Variants in MTSS2 observed in about 807,000 individuals in gnomAD.
MTSS2 encodes the protein protein MTSS 2.
MTSS2 carries 27 observed loss-of-function variants against 67.1 expected under a neutral mutation model. That is an observed-to-expected ratio of 0.40 (90% CI 0.30 to 0.55). MTSS2 has a LOEUF of 0.55. Ranked by LOEUF, MTSS2 falls within the 20% of genes least tolerant of loss-of-function variation. The pLI is 0.43. For synonymous variants in MTSS2, 624 were observed against 468.6 expected (o/e 1.33, Z -4.28); for missense variants, 1,171 against 1,067.8 (o/e 1.10, Z -1.35).
chr16:70,661,359 G>T lies in MTSS2; in HGVS notation c.*2318C>A. On this transcript the variant is annotated 3_prime_UTR_variant, in exon 15 of 15. Transcript: ENST00000338779. ...TCTGACGGAAAGAAAAGAAACAAAT[G>T]GTTCAGATGGGACGGAGGGTGGGGG... 1 of 436,338 alleles carries T rather than the reference G, an allele frequency of 2.3e-6. No individual in the cohort carries two copies. Among genetic ancestry groups the T allele is most frequent in the Non-Finnish European group, 4.5e-6 (1 of 221,276 alleles). The allele number at this position is 436,338 out of a possible 1,614,324, so 27.0% of individuals were successfully genotyped here. A position where few individuals can be genotyped will look rare whatever the true frequency, so the allele number is the denominator to read the frequency against.
chr16:70,664,192 C>G lies in MTSS2; in HGVS notation c.1729G>C (p.Ala577Pro), dbSNP rs145921767. ...GGGATGGGGCCAGCGCTGGACAGGGCGCGGCGCACGGTGGGCTTGGTGGAG... is the reference window on the plus strand; with the variant it reads ...GGGATGGGGCCAGCGCTGGACAGGGGGCGGCGCACGGTGGGCTTGGTGGAG... ...TPSTKPTVRR[A>P]LSSAGPIPIR... is the part of the protein sequence containing the mutation. The change falls in exon 15 of 15, where the codon GCC becomes CCC. Residue 577 changes from alanine to proline, a missense_variant. Physicochemically the swap from Ala to Pro is conservative, Grantham distance 27. Coordinates refer to ENST00000338779, the MANE Select transcript of MTSS2 (RefSeq NM_138383.3). The G allele has an allele frequency of 6.3e-7, 1 of 1,597,404 alleles. No individual in the cohort carries two copies. Among genetic ancestry groups the G allele is most frequent in the Non-Finnish European group, 8.5e-7 (1 of 1,176,062 alleles).
At chr16:70,685,681 G>A in intron 1 of MTSS2, 42 bp downstream of exon 1, 5 of 1,212,614 alleles carry the variant, frequency 4.1e-6, no homozygotes, top group Admixed American at 3.1e-5. Flanking sequence ...GGGGGGTCCC[G>A]CACCCGTCGC....
At position 70,664,907 on chromosome 16, in the gene MTSS2, C is replaced by A; in HGVS notation, c.1305+13G>T. 2 of 1,534,568 alleles carry A rather than the reference C, an allele frequency of 1.3e-6. No individual in the cohort carries two copies. The highest frequency in any genetic ancestry group is 2.4e-5 in the East Asian group (1 of 41,464). On this transcript the variant is annotated intron_variant, in intron 13 of 14. Coordinates refer to ENST00000338779, the MANE Select transcript of MTSS2 (RefSeq NM_138383.3). Reference sequence around the variant, plus strand: ...ACTGACCTGGGCGTGAAGGGGGGCCCTGGCCAGCCTACCTTGGCTGCGATG... The same window carrying A: ...ACTGACCTGGGCGTGAAGGGGGGCCATGGCCAGCCTACCTTGGCTGCGATG...
chr16:70,674,052 G>C (rs898206553), intron 11 of MTSS2, among the ~76,000 whole-genome samples: 3 of 152,064 alleles, frequency 2.0e-5, no homozygotes, highest in African/African-American at 7.2e-5. Flanking sequence ...TGTCAGATTG[G>C]ATAAAAAAAG....
chr16:70,678,404 C>A lies in MTSS2; in HGVS notation c.472G>T (p.Gly158Ter). 1 of 1,609,962 alleles carries A rather than the reference C, an allele frequency of 6.2e-7. No homozygotes were observed. The highest frequency in any genetic ancestry group is 1.1e-5 in the South Asian group (1 of 90,736). ...CTGTCCAGCTGGGGCTGCAGGTCTC[C>A]TTTCCCTGGAGGGGTGGGGAGGAGA... ...KKARKELLGK[G>*]DLQPQLDSAL... The change falls in exon 8 of 15, where the codon GGA becomes TGA. Residue 158 changes from glycine (G) to a stop codon, truncating the protein, a stop_gained. Transcript: ENST00000338779. LOFTEE classifies it high-confidence loss of function.
chr16:70,677,968 G>A (rs2053175237), intron 8 of MTSS2, 69 bp from the exon 9 acceptor site: 1 of 1,312,958 alleles, frequency 7.6e-7, no homozygotes, highest in Non-Finnish European at 1.1e-6. Context: ...CGCCCCTGGA[G>A]AAGCAGCAGC....
intron 11 of MTSS2, among the ~76,000 whole-genome samples, chr16:70,670,279 AACAAAACGAC>A (rs1311662147): frequency 6.6e-6 from 1 of 152,172 alleles, no homozygotes; most frequent in Non-Finnish European, 1.5e-5. Context: ...TCAAAAACAA[AACAAAACGAC>A]ACAAAACAAA....
Position 70,664,394 on chromosome 16 carries a change from G to A in MTSS2, c.1527C>T (p.Pro509=), listed in dbSNP as rs769916218. Residue 509 remains proline, a synonymous_variant, in exon 15 of 15, where the codon CCC becomes CCT. Coordinates refer to ENST00000338779, the MANE Select transcript of MTSS2 (RefSeq NM_138383.3). ...GGATGGTGGATGACTTGTCAAACTC[G>A]GGCGGGCCCTCGCTGTCCGCATCCC... is the stretch of plus-strand genomic sequence containing the variant. ...VNGDADSEGP[P]EFDKSSTIPR... 151 of 1,564,594 alleles carry A rather than the reference G, an allele frequency of 9.7e-5. No individual in the cohort carries two copies. The highest frequency in any genetic ancestry group is 1.2e-4 in the Non-Finnish European group (143 of 1,160,332).
chr16:70,664,551 G>T, intron 14 of MTSS2, 47 bp downstream of exon 14: 1 of 1,598,060 alleles, frequency 6.3e-7, no homozygotes, highest in Non-Finnish European at 8.5e-7. Flanking sequence ...CTCCTGGATG[G>T]CTAAGTCCCA....
rs756783396 is a variant in MTSS2, at chr16:70,664,291, T to G, written c.1630A>C (p.Thr544Pro). 2.6e-6 allele frequency: 4 copies of G among 1,565,218 alleles called. No individual in the cohort carries two copies. The South Asian group carries it at 4.8e-5, about 19-fold the overall frequency. Residue 544 changes from threonine to proline, a missense_variant, in exon 15 of 15, where the codon ACC becomes CCC. Around this residue, in one of 2 missense-constraint regions of MTSS2, gnomAD observed 924 missense variants for 756.0 expected, o/e 1.22. Coordinates refer to ENST00000338779, the MANE Select transcript of MTSS2 (RefSeq NM_138383.3). ...KRPASTAGLP[T>P]AGLPTATGLP... is the part of the protein sequence containing the mutation. The stretch of plus-strand genomic sequence containing the variant: ...CCAGTGGCCGTGGGCAGCCCCGCGG[T>G]GGGCAGCCCAGCAGTGGAGGCTGGG...
chr16:70,661,929 A>AAAT lies in MTSS2; in HGVS notation c.*1745_*1747dup, dbSNP rs2052491653. The AAAT allele has an allele frequency of 6.5e-6, 1 of 153,472 alleles. No individual in the cohort carries two copies. Among genetic ancestry groups the AAAT allele is most frequent in the African/African-American group, 2.4e-5 (1 of 41,416 alleles). The allele number at this position is 153,472 out of a possible 1,614,324, so 9.5% of individuals were successfully genotyped here. A position where few individuals can be genotyped will look rare whatever the true frequency, so the allele number is the denominator to read the frequency against. On this transcript the variant is annotated 3_prime_UTR_variant, in exon 15 of 15. Transcript: ENST00000338779. ...GCGGAAATTCTACCCAAGACTCCCC[A>AAAT]AATAATTGGTCACCTGCTCTCCTGG...
intron 9 of MTSS2, 63 bp downstream of exon 9, chr16:70,677,729 A>C: frequency 1.5e-6 from 2 of 1,335,274 alleles, no homozygotes; most frequent in Non-Finnish European, 1.0e-6. Context: ...ACTGTTCCCA[A>C]CCTAGGGCAG....
At chr16:70,672,947 G>T (rs781202558) in intron 11 of MTSS2, among the ~76,000 whole-genome samples, 4 of 152,262 alleles carry the variant, frequency 2.6e-5, no homozygotes, top group African/African-American at 9.6e-5. Flanking sequence ...GATCCCTTGA[G>T]CCCAGGAGTT....
At chr16:70,679,253 G>C in intron 7 of MTSS2, 62 bp downstream of exon 7, 5 of 1,599,144 alleles carry the variant, frequency 3.1e-6, no homozygotes, top group Non-Finnish European at 3.4e-6. Context: ...CCTGAGCTGG[G>C]GGAGACAGAC....
chr16:70,672,990 G>A (rs2052993405), intron 11 of MTSS2, among the ~76,000 whole-genome samples: 1 of 152,034 alleles, frequency 6.6e-6, no homozygotes, highest in African/African-American at 2.4e-5. Context: ...GCAAAATGTT[G>A]TCTCTACTAA....
rs2151897774 is a variant in MTSS2, at chr16:70,662,254, G to A, written c.*1423C>T. Reference sequence around the variant, plus strand: ...GACCCCCAGGTAGGACCCTGCCCTGGGGCCACGATGCCCTCTGAGCCCTGC... The same window carrying A: ...GACCCCCAGGTAGGACCCTGCCCTGAGGCCACGATGCCCTCTGAGCCCTGC... On this transcript the variant is annotated 3_prime_UTR_variant, in exon 15 of 15. Coordinates refer to ENST00000338779, the MANE Select transcript of MTSS2 (RefSeq NM_138383.3). 6.6e-6 allele frequency: 1 copy of A among 152,412 alleles called. No individual in the cohort carries two copies. The highest frequency in any genetic ancestry group is 1.5e-5 in the Non-Finnish European group (1 of 68,182). 9.4% of individuals were successfully genotyped at this position (152,412 alleles called of 1,614,324 possible).
intron 3 of MTSS2, 68 bp from the exon 4 acceptor site, chr16:70,680,123 A>C (rs1597825597): frequency 8.7e-7 from 1 of 1,154,994 alleles, no homozygotes; most frequent in East Asian, 3.9e-5. Flanking sequence ...TCGGGCCAGG[A>C]GGGGGCGCCC....
intron 4 of MTSS2, 45 bp from the exon 5 acceptor site, chr16:70,679,922 G>A: frequency 3.6e-6 from 5 of 1,384,964 alleles, no homozygotes; most frequent in Non-Finnish European, 4.9e-6. Context: ...GGGCTCCCCC[G>A]CGACGCCCCG....
rs767355030 is a variant in MTSS2 at position 70,679,710 on chromosome 16, G to C, written c.383-6C>G. ...ATGCCGGGCTCGTTTGTACTCTGCAGAAGGGGAGAGCGGAGCGCTCTAATG... is the reference window on the plus strand; with the variant it reads ...ATGCCGGGCTCGTTTGTACTCTGCACAAGGGGAGAGCGGAGCGCTCTAATG... On this transcript the variant is annotated splice_polypyrimidine_tract_variant and splice_region_variant and intron_variant, in intron 5 of 14. Coordinates refer to ENST00000338779, the MANE Select transcript of MTSS2 (RefSeq NM_138383.3). 2 of 1,611,284 alleles carry C rather than the reference G, an allele frequency of 1.2e-6. No individual in the cohort carries two copies. Among genetic ancestry groups the C allele is most frequent in the East Asian group, 4.5e-5 (2 of 44,820 alleles).
Sources: allele counts gnomAD v4.1 joint callset (sites outside exome capture counted in the v4.1 genomes callset), GRCh38; gene constraint gnomAD v4.1.1; regional missense constraint gnomAD v4.1.1; transcripts MANE v1.5; gene names NCBI Gene and HGNC (gene_info 2026-07-23, HGNC 2026-07-21).